The following PNPLA4 variants were observed in gnomAD, a reference collection of about 807,000 sequenced individuals.
The protein encoded by PNPLA4 is patatin like domain 4, phospholipase and triacylglycerol lipase, also known as patatin-like phospholipase domain-containing protein 4.
PNPLA4 carries 15 observed loss-of-function variants against 18.3 expected under a neutral mutation model. That is an observed-to-expected ratio of 0.82 (90% CI 0.55 to 1.26). PNPLA4 has a LOEUF of 1.26. Ranked by LOEUF, PNPLA4 falls within the 50% of genes most tolerant of loss-of-function variation. The pLI, the probability that PNPLA4 is intolerant of heterozygous loss-of-function variation, is 0.00. For synonymous variants in PNPLA4, 88 were observed against 85.6 expected (o/e 1.03, Z -0.16); for missense variants, 229 against 196.8 (o/e 1.16, Z -0.98).
At chrX:7,917,984 G>A (rs771949611) in intron 4 of PNPLA4, among the ~76,000 whole-genome samples, 3 of 112,243 alleles carry the variant, frequency 2.7e-5, no homozygotes. Context: ...CTATTAAGTA[G>A]CAGAATAAAT....
chrX:7,906,242 T>A (rs148671164), intron 5 of PNPLA4, among the ~76,000 whole-genome samples: 1 of 111,905 alleles, frequency 8.9e-6, no homozygotes, highest in Non-Finnish European at 1.9e-5. Flanking sequence ...CAAAGAGATA[T>A]CCACTTCCTT....
At chrX:7,905,599 T>G (rs1363332105) in intron 5 of PNPLA4, among the ~76,000 whole-genome samples, 1 of 112,752 alleles carries the variant, frequency 8.9e-6, no homozygotes, top group African/African-American at 3.2e-5. Flanking sequence ...GAATGAATGT[T>G]GCTATCTATA....
Position 7,899,646 on chromosome X carries a change from A to AGG in PNPLA4, c.*1039_*1040insCC, listed in dbSNP as rs1923456067. On this transcript the variant is annotated 3_prime_UTR_variant, in exon 7 of 7. Transcript: ENST00000381042. ...TATGGCGAGAGAGAGAGAGAGAGAG[A>AGG]GAGAGAGAGAGAGAGAGAGAGAGAG... 1 of 93,824 alleles carries AGG rather than the reference A, an allele frequency of 1.1e-5. No individual in the cohort carries two copies. The highest frequency in any genetic ancestry group is 1.2e-4 in the Admixed American group (1 of 8,541). The allele number at this position is 93,824 out of a possible 1,213,427, so 7.7% of individuals were successfully genotyped here.
At chrX:7,921,269 C>CAAAACAAAAACA (rs377272002) in intron 4 of PNPLA4, among the ~76,000 whole-genome samples, 2 of 110,963 alleles carry the variant, frequency 1.8e-5, no homozygotes, top group East Asian at 5.7e-4. Flanking sequence ...GACTCCATCT[C>CAAAACAAAAACA]AAAACAAAAA....
rs747122273 is a variant in PNPLA4 at position 7,912,692 on chromosome X, A to G, written c.412-599T>C. On this transcript the variant is annotated intron_variant, in intron 4 of 6. Transcript: ENST00000381042. ...GTCATTTAGGAAATTACCATTCCAT[A>G]CATCATGGGAAGTTGGGCTCTGATA... Among the ~76,000 whole-genome samples, 66 of 112,551 alleles carry G rather than the reference A, an allele frequency of 5.9e-4. 1 individual carries two copies. Among genetic ancestry groups the G allele is most frequent in the African/African-American group, 2.1e-3 (64 of 31,041 alleles).
chrX:7,920,632 A>G (rs1454652015), intron 4 of PNPLA4, among the ~76,000 whole-genome samples: 1 of 112,269 alleles, frequency 8.9e-6, no homozygotes, highest in Non-Finnish European at 1.9e-5. Flanking sequence ...TATTACCTGA[A>G]GCTTGTTATG....
chrX:7,902,094 G>A lies in PNPLA4; in HGVS notation c.525C>T (p.Val175=), dbSNP rs1923555808. 8.3e-7 allele frequency: 1 copy of A among 1,208,210 alleles called. No individual in the cohort carries two copies. The highest frequency in any genetic ancestry group is 3.0e-5 in the East Asian group (1 of 33,672). Residue 175 remains valine, a synonymous_variant, in exon 6 of 7, where the codon GTC becomes GTT. Coordinates refer to ENST00000381042, the MANE Select transcript of PNPLA4 (RefSeq NM_004650.3). ...AGGGGGAGATGGTTACTGTCCGGCCGACGGGCAGGATGGGAAGAGCGTTGG... is the reference window on the plus strand; with the variant it reads ...AGGGGGAGATGGTTACTGTCCGGCCAACGGGCAGGATGGGAAGAGCGTTGG... ...GLTNALPILP[V]GRTVTISPFS...
In PNPLA4 at chrX:7,900,546, A is replaced by G; in HGVS notation, c.*140T>C. On this transcript the variant is annotated 3_prime_UTR_variant, in exon 7 of 7. Coordinates refer to ENST00000381042, the MANE Select transcript of PNPLA4 (RefSeq NM_004650.3). ...TCTTATATCCATGTGCTAAGTAATA[A>G]TTCAAATATTAAAAATAAACACAAA... 1 of 432,575 alleles carries G rather than the reference A, an allele frequency of 2.3e-6. No homozygotes were observed. The highest frequency in any genetic ancestry group is 3.9e-6 in the Non-Finnish European group (1 of 258,869). The allele number at this position is 432,575 out of a possible 1,213,427, so 35.6% of individuals were successfully genotyped here. A position where few individuals can be genotyped will look rare whatever the true frequency, so the allele number is the denominator to read the frequency against.
At chrX:7,918,996 T>A (rs1924131047) in intron 4 of PNPLA4, among the ~76,000 whole-genome samples, 1 of 112,299 alleles carries the variant, frequency 8.9e-6, no homozygotes, top group Admixed American at 9.4e-5. Flanking sequence ...TGAAAAATGT[T>A]AAAACATCCT....
intron 4 of PNPLA4, among the ~76,000 whole-genome samples, chrX:7,913,518 A>G (rs1332185197): frequency 2.7e-5 from 3 of 112,202 alleles, no homozygotes; most frequent in Non-Finnish European, 3.8e-5. Context: ...GCAGTGGCAA[A>G]TTCAAGGGTA....
At chrX:7,917,772 C>A (rs1924089745) in intron 4 of PNPLA4, among the ~76,000 whole-genome samples, 1 of 111,319 alleles carries the variant, frequency 9.0e-6, no homozygotes, top group African/African-American at 3.3e-5. Flanking sequence ...CACCGGGACA[C>A]TCATAAAACA....
rs148618718 is a variant in PNPLA4, at chrX:7,902,044, G to A, written c.575C>T (p.Pro192Leu). ...SPFSGRLDIS[P>L]QDKGQLDLYV... Reference sequence around the variant, plus strand: ...CAGATCTAGCTGCCCTTTGTCCTGCGGGGAGATGTCCAGTCGTCCACTGAA... The same window carrying A: ...CAGATCTAGCTGCCCTTTGTCCTGCAGGGAGATGTCCAGTCGTCCACTGAA... Residue 192 changes from proline (P) to leucine (L), a missense_variant, in exon 6 of 7, where the codon CCG becomes CTG. Coordinates refer to ENST00000381042, the MANE Select transcript of PNPLA4 (RefSeq NM_004650.3). 3.3e-4 allele frequency: 399 copies of A among 1,206,523 alleles called. No homozygotes were observed. The highest frequency in any genetic ancestry group is 6.9e-4 in the Middle Eastern group (3 of 4,367).
At chrX:7,919,770 G>A (rs1924154538) in intron 4 of PNPLA4, among the ~76,000 whole-genome samples, 1 of 111,776 alleles carries the variant, frequency 8.9e-6, no homozygotes, top group Non-Finnish European at 1.9e-5. Flanking sequence ...ATCCAGTGTG[G>A]GGTATATATA....
At chrX:7,924,683 T>C (rs756941551) in intron 2 of PNPLA4, among the ~76,000 whole-genome samples, 1 of 112,408 alleles carries the variant, frequency 8.9e-6, no homozygotes, top group East Asian at 2.8e-4. Flanking sequence ...AGTCTCCAAT[T>C]CAGGTAAATT....
At chrX:7,908,694 T>C (rs1923784261) in intron 5 of PNPLA4, among the ~76,000 whole-genome samples, 1 of 112,184 alleles carries the variant, frequency 8.9e-6, no homozygotes, top group African/African-American at 3.2e-5. Context: ...TGGACTCCAT[T>C]AAACAACAGA....
intron 2 of PNPLA4, among the ~76,000 whole-genome samples, chrX:7,925,123 C>T (rs1463378657): frequency 3.6e-5 from 4 of 112,305 alleles, no homozygotes; most frequent in African/African-American, 1.3e-4. Context: ...GAATGATTGG[C>T]CTCAAATCTA....
rs12007706 is a variant in PNPLA4, at chrX:7,923,382, A to T, written c.181-1284T>A. On this transcript the variant is annotated intron_variant, in intron 2 of 6. Coordinates refer to ENST00000381042, the MANE Select transcript of PNPLA4 (RefSeq NM_004650.3). ...GCCAAGGAGTCTGGGCACCCTCCAG[A>T]AACTGGAAAAGGTAAGGAAATGGAT... 4.4e-3 allele frequency among the ~76,000 whole-genome samples: 488 copies of T among 112,112 alleles called. 5 individuals are homozygous for T. Among genetic ancestry groups the T allele is most frequent in the African/African-American group, 0.015 (475 of 30,851 alleles).
At chrX:7,908,536 C>A (rs916715979) in intron 5 of PNPLA4, among the ~76,000 whole-genome samples, 4 of 112,026 alleles carry the variant, frequency 3.6e-5, no homozygotes, top group Non-Finnish European at 7.5e-5. Context: ...GGCATGGAAG[C>A]CCTATTAGAA....
chrX:7,921,967 T>A (rs1386423623), intron 3 of PNPLA4, 37 bp downstream of exon 3: 3 of 1,144,902 alleles, frequency 2.6e-6, no homozygotes, highest in Non-Finnish European at 3.6e-6. Context: ...CAACATTCTG[T>A]CTTCATGTAC....
Sources: gnomAD v4.1 joint callset for allele counts (sites outside exome capture counted in the v4.1 genomes callset) on GRCh38, gnomAD v4.1.1 for gene constraint, MANE v1.5 for transcripts, NCBI Gene and HGNC (gene_info 2026-07-23, HGNC 2026-07-21) for gene names.